Variants in KIF1B observed in about 807,000 individuals in gnomAD.
KIF1B encodes kinesin family member 1B.
KIF1B carries 76 observed loss-of-function variants against 241.9 expected under a neutral mutation model. The ratio of observed to expected loss-of-function variants is 0.31; its 90% CI spans 0.26 to 0.38. The LOEUF (loss-of-function observed/expected upper bound fraction) is 0.38, where lower values mean the gene tolerates loss of function less well. KIF1B is among the 10% of genes least tolerant of loss of function. The pLI, the probability that KIF1B is intolerant of heterozygous loss-of-function variation, is 1.00. For synonymous variants in KIF1B, 750 were observed against 796.7 expected (o/e 0.94, Z 0.99); for missense variants, 1,622 against 2,271.4 (o/e 0.71, Z 5.81).
rs756643992 is a variant in KIF1B at position 10,334,514 on chromosome 1, CT to C, written c.2925-3del. On this transcript the variant is annotated splice_polypyrimidine_tract_variant and splice_region_variant and intron_variant, in intron 27 of 48. Transcript: ENST00000676179. ...CTGACATTTGTCTCCTGGTTTCTGT[CT>C]TTAGGGCATTTGTTTACCTGAGCAA... The C allele has an allele frequency of 5.6e-6, 9 of 1,604,876 alleles. No homozygotes were observed. Among genetic ancestry groups the C allele is most frequent in the Non-Finnish European group, 7.7e-6 (9 of 1,171,712 alleles).
At chr1:10,315,053 A>G (rs1386150226) in intron 22 of KIF1B, among the ~76,000 whole-genome samples, 1 of 151,276 alleles carries the variant, frequency 6.6e-6, no homozygotes, top group Admixed American at 6.6e-5. Context: ...AAAAAAAACT[A>G]TAATGAACTT....
Position 10,377,926 on chromosome 1 carries a change from ACT to A in KIF1B, c.*1342_*1343del, listed in dbSNP as rs1638930554. 1 of 210,622 alleles carries A rather than the reference ACT, an allele frequency of 4.7e-6. No individual in the cohort carries two copies. Among genetic ancestry groups the A allele is most frequent in the East Asian group, 7.5e-5 (1 of 13,282 alleles). The allele number at this position is 210,622 out of a possible 1,614,324, so 13.0% of individuals were successfully genotyped here. Reference sequence around the variant, plus strand: ...ACTCCAGCCTGGGTGACAGAGCAAGACTCTGCCTCAGAAAAAAAAAAAAATAA... The same window carrying A: ...ACTCCAGCCTGGGTGACAGAGCAAGACTGCCTCAGAAAAAAAAAAAAATAA... On this transcript the variant is annotated 3_prime_UTR_variant, in exon 49 of 49. Coordinates refer to ENST00000676179, the MANE Select transcript of KIF1B (RefSeq NM_001365951.3).
intron 2 of KIF1B, among the ~76,000 whole-genome samples, chr1:10,252,289 C>G (rs1647496058): frequency 6.6e-6 from 1 of 152,152 alleles, no homozygotes; most frequent in African/African-American, 2.4e-5. Context: ...ATCAACCCCC[C>G]TCAGCCTCCC....
intron 16 of KIF1B, among the ~76,000 whole-genome samples, 166 bp downstream of exon 16, chr1:10,291,327 C>T (rs1649985558): frequency 6.6e-6 from 1 of 152,118 alleles, no homozygotes; most frequent in Non-Finnish European, 1.5e-5. Context: ...TGAATTTATG[C>T]TTTGAAATGA....
rs748561376 is a variant in KIF1B, at chr1:10,361,680, G to A, written c.4171-12G>A. ...CCTGCACTTCATCAGCACCTACCCTGTCTGCTTTCAGCTGGATCATTGCAT... is the reference window on the plus strand; with the variant it reads ...CCTGCACTTCATCAGCACCTACCCTATCTGCTTTCAGCTGGATCATTGCAT... On this transcript the variant is annotated splice_polypyrimidine_tract_variant and intron_variant, in intron 39 of 48. Transcript: ENST00000676179. 1 of 1,613,520 alleles carries A rather than the reference G, an allele frequency of 6.2e-7. No individual in the cohort carries two copies. Among genetic ancestry groups the A allele is most frequent in the African/African-American group, 1.3e-5 (1 of 75,050 alleles).
intron 37 of KIF1B, among the ~76,000 whole-genome samples, chr1:10,349,577 T>G (rs1384928386): frequency 6.6e-6 from 1 of 151,182 alleles, no homozygotes; most frequent in African/African-American, 2.4e-5. Context: ...GAGTTAACAG[T>G]GAAAACAAGC....
chr1:10,334,786 C>T, intron 28 of KIF1B, 148 bp downstream of exon 28: 1 of 701,362 alleles, frequency 1.4e-6, no homozygotes, highest in Non-Finnish European at 2.6e-6. Context: ...TGGAGAAAGC[C>T]TTTATTGCTC....
In KIF1B at chr1:10,377,004, C is replaced by T. The variant is rs1032155826; in HGVS notation, c.*417C>T. The stretch of plus-strand genomic sequence containing the variant: ...TGTCTGTGCTGCTGTCACCAGGCAC[C>T]TTTGTTTTTCAAGACAACATACTTT... On this transcript the variant is annotated 3_prime_UTR_variant, in exon 49 of 49. Transcript: ENST00000676179. 3.8e-6 allele frequency: 1 copy of T among 261,218 alleles called. No individual in the cohort carries two copies. Among genetic ancestry groups the T allele is most frequent in the Non-Finnish European group, 7.5e-6 (1 of 132,610 alleles). 16.2% of individuals were successfully genotyped at this position (261,218 alleles called of 1,614,324 possible).
chr1:10,290,967 T>G (rs1357662192), intron 15 of KIF1B, 115 bp from the exon 16 acceptor site: 1 of 748,416 alleles, frequency 1.3e-6, no homozygotes, highest in African/African-American at 1.7e-5. Context: ...AAAATCTCTT[T>G]ACATTTAATT....
intron 34 of KIF1B, among the ~76,000 whole-genome samples, chr1:10,344,313 C>T (rs1379961439): frequency 6.6e-6 from 1 of 152,192 alleles, no homozygotes; most frequent in African/African-American, 2.4e-5. Flanking sequence ...ATTAGCTCCA[C>T]CTTAGATGTA....
intron 41 of KIF1B, among the ~76,000 whole-genome samples, 181 bp downstream of exon 41, chr1:10,363,525 T>C (rs980896465): frequency 1.3e-5 from 2 of 151,986 alleles, no homozygotes; most frequent in Admixed American, 1.3e-4. Flanking sequence ...AGCCCCCCTT[T>C]CTACCAAAAA....
In KIF1B at chr1:10,365,421, C is replaced by T. The variant is rs757850683; in HGVS notation, c.4525C>T (p.Arg1509Cys). 42 of 1,614,098 alleles carry T rather than the reference C, an allele frequency of 2.6e-5. No homozygotes were observed. Among genetic ancestry groups the T allele is most frequent in the South Asian group, 1.4e-4 (13 of 91,082 alleles). The change falls in exon 43 of 49, where the codon CGC (arginine) becomes TGC (cysteine). Residue 1509 changes from arginine (R) to cysteine (C), a missense_variant. Around this residue, in one of 7 missense-constraint regions of KIF1B, gnomAD observed 357 missense variants for 409.0 expected, o/e 0.87. Coordinates refer to ENST00000676179, the MANE Select transcript of KIF1B (RefSeq NM_001365951.3). The surrounding 1 kb of genome is among the most constrained non-coding windows in gnomAD (Gnocchi z 4.0). ...LELLHEVEKT[R>C]HFLLLRERLG... ...TTGATCTTCTCAGGTGGAAAAAACC[C>T]GCCACTTTTTGCTGCTGCGTGAGAG...
chr1:10,340,428 A>G (rs1008814425), intron 32 of KIF1B, among the ~76,000 whole-genome samples: 4 of 152,206 alleles, frequency 2.6e-5, no homozygotes, highest in African/African-American at 9.7e-5. Flanking sequence ...GCTAATATTC[A>G]CTGAGAGTTT....
At chr1:10,236,399 C>A (rs904636886) in intron 2 of KIF1B, among the ~76,000 whole-genome samples, 1 of 152,234 alleles carries the variant, frequency 6.6e-6, no homozygotes. Flanking sequence ...GTACTCCTAC[C>A]CTCAGCTGAT....
At chr1:10,240,918 A>G (rs1336787307) in intron 2 of KIF1B, among the ~76,000 whole-genome samples, 3 of 151,932 alleles carry the variant, frequency 2.0e-5, no homozygotes, top group Non-Finnish European at 4.4e-5. Flanking sequence ...TTAATATTGT[A>G]TTCTATTTAT....
chr1:10,361,880 A>G (rs1368771224), intron 40 of KIF1B, 55 bp downstream of exon 40: 4 of 1,590,450 alleles, frequency 2.5e-6, no homozygotes, highest in Admixed American at 1.7e-5. Flanking sequence ...CAACAGAATC[A>G]TTAGTCCTTA....
chr1:10,366,559 G>A (rs1239057234), intron 43 of KIF1B, among the ~76,000 whole-genome samples: 1 of 152,214 alleles, frequency 6.6e-6, no homozygotes, highest in Non-Finnish European at 1.5e-5. Flanking sequence ...TCAGTCTTGG[G>A]GAATTCACGT....
intron 16 of KIF1B, among the ~76,000 whole-genome samples, chr1:10,291,444 C>G (rs1430905322): frequency 6.6e-6 from 1 of 152,162 alleles, no homozygotes; most frequent in Admixed American, 6.5e-5. Flanking sequence ...GGCGCGGTGG[C>G]TCACGCCTGT....
intron 4 of KIF1B, among the ~76,000 whole-genome samples, chr1:10,259,193 G>T (rs1647971310): frequency 2.8e-5 from 4 of 144,932 alleles, no homozygotes; most frequent in African/African-American, 2.5e-5. Context: ...TATTGGGTTT[G>T]ATCCTTTATT....
Sources: gnomAD v4.1 joint callset for allele counts (sites outside exome capture counted in the v4.1 genomes callset) on GRCh38, gnomAD v4.1.1 for gene constraint, gnomAD v4.1.1 regional missense constraint, Gnocchi (gnomAD v3.1) non-coding constraint, MANE v1.5 for transcripts, NCBI Gene and HGNC (gene_info 2026-07-23, HGNC 2026-07-21) for gene names.